SHLD1: variants seen among roughly 807,000 people sequenced by gnomAD.
SHLD1 encodes shieldin complex subunit 1.
A neutral mutation model predicts 5.5 loss-of-function variants in SHLD1; 3 were observed. The ratio of observed to expected loss-of-function variants is 0.54; its 90% CI spans 0.25 to 1.40. The LOEUF is 1.40. SHLD1 is among the 40% of genes most tolerant of loss of function. The pLI, the probability that SHLD1 is intolerant of heterozygous loss-of-function variation, is 0.15. For synonymous variants in SHLD1, 92 were observed against 94.3 expected (o/e 0.98, Z 0.14); for missense variants, 210 against 244.4 (o/e 0.86, Z 0.94).
chr20:5,810,572 G>A (rs2087444687), intron 2 of SHLD1, among the ~76,000 whole-genome samples: 1 of 151,984 alleles, frequency 6.6e-6, no homozygotes, highest in Admixed American at 6.5e-5. Flanking sequence ...GTGTTCCATT[G>A]ATTCTTTCTA....
chr20:5,807,939 T>G (rs538630375), intron 2 of SHLD1, among the ~76,000 whole-genome samples: 5 of 152,296 alleles, frequency 3.3e-5, no homozygotes, highest in African/African-American at 9.6e-5. Context: ...CTAATCATCC[T>G]TTTCTTTTAA....
intron 2 of SHLD1, among the ~76,000 whole-genome samples, chr20:5,775,206 T>C (rs1023307124): frequency 6.6e-6 from 1 of 152,058 alleles, no homozygotes; most frequent in African/African-American, 2.4e-5. Context: ...ACATGGCTTT[T>C]TTTTTTTTAA....
chr20:5,784,732 G>C (rs2087037122), intron 2 of SHLD1, among the ~76,000 whole-genome samples: 1 of 152,170 alleles, frequency 6.6e-6, no homozygotes, highest in Admixed American at 6.5e-5. Context: ...TTACAGGCGT[G>C]AGCCACCGCG....
chr20:5,775,029 CTTTG>C (rs1378210137), intron 2 of SHLD1, among the ~76,000 whole-genome samples: 2 of 151,984 alleles, frequency 1.3e-5, no homozygotes, highest in African/African-American at 2.4e-5. Context: ...TTGAACAGAA[CTTTG>C]TTTGTGTATG....
At chr20:5,852,874 C>G (rs2122496722) in intron 2 of SHLD1, among the ~76,000 whole-genome samples, 1 of 152,286 alleles carries the variant, frequency 6.6e-6, no homozygotes, top group East Asian at 1.9e-4. Flanking sequence ...TGTGTTGGGA[C>G]TAGAGAGGAG....
chr20:5,829,229 G>A (rs1175399776), intron 2 of SHLD1, among the ~76,000 whole-genome samples: 3 of 152,070 alleles, frequency 2.0e-5, no homozygotes, highest in Admixed American at 6.6e-5. Flanking sequence ...GGTCACAAAT[G>A]ATGTTTAATA....
rs961671845 is a variant in SHLD1 at position 5,841,121 on chromosome 20, TG to T, written c.179-21902del. 2.4e-3 allele frequency among the ~76,000 whole-genome samples: 368 copies of T among 152,248 alleles called. 3 individuals are homozygous for T. Among genetic ancestry groups the T allele is most frequent in the African/African-American group, 8.4e-3 (349 of 41,548 alleles). ...AATTAGAACCATCTAGGAATCTTTT[TG>T]AAAAAACTTAATTTCTATGCCACAT... On this transcript the variant is annotated intron_variant, in intron 2 of 2. Coordinates refer to ENST00000303142, the MANE Select transcript of SHLD1 (RefSeq NM_152504.4).
At chr20:5,820,690 T>A (rs570135712) in intron 2 of SHLD1, among the ~76,000 whole-genome samples, 19 of 152,362 alleles carry the variant, frequency 1.2e-4, no homozygotes, top group African/African-American at 4.1e-4. Context: ...TATTTCAGAC[T>A]GATATTAAAT....
chr20:5,777,271 G>A (rs1238754614), intron 2 of SHLD1, among the ~76,000 whole-genome samples: 1 of 152,146 alleles, frequency 6.6e-6, no homozygotes, highest in Non-Finnish European at 1.5e-5. Flanking sequence ...TTACAGGTGT[G>A]AGCCACCACA....
intron 1 of SHLD1, among the ~76,000 whole-genome samples, chr20:5,768,206 T>C (rs973023111): frequency 3.3e-5 from 5 of 152,150 alleles, no homozygotes; most frequent in African/African-American, 1.2e-4. Flanking sequence ...ACTGCTGACC[T>C]CAGGTGATCC....
chr20:5,842,666 A>G lies in SHLD1; in HGVS notation c.179-20358A>G, dbSNP rs2122471719. 2.0e-5 allele frequency among the ~76,000 whole-genome samples: 3 copies of G among 152,070 alleles called. No homozygotes were observed. The South Asian group carries it at 6.2e-4, about 32-fold the overall frequency. ...TGGACCATCTCACTTTGACTTCCAT[A>G]TCTCTTATTTTTTTCTCTATCTCTC... On this transcript the variant is annotated intron_variant, in intron 2 of 2. Coordinates refer to ENST00000303142, the MANE Select transcript of SHLD1 (RefSeq NM_152504.4).
At chr20:5,773,132 C>T in intron 2 of SHLD1, 89 bp downstream of exon 2, 1 of 1,402,218 alleles carries the variant, frequency 7.1e-7, no homozygotes, top group Non-Finnish European at 1.0e-6. Flanking sequence ...CTTCCAATAG[C>T]AGATCTCTGA....
chr20:5,774,561 T>A (rs983247264), intron 2 of SHLD1, among the ~76,000 whole-genome samples: 1 of 152,174 alleles, frequency 6.6e-6, no homozygotes, highest in South Asian at 2.1e-4. Flanking sequence ...ACGGGAAGCA[T>A]AGAAGCACCT....
intron 2 of SHLD1, among the ~76,000 whole-genome samples, chr20:5,775,616 C>G (rs1014440561): frequency 6.6e-6 from 1 of 152,164 alleles, no homozygotes; most frequent in African/African-American, 2.4e-5. Context: ...GGAAGGGGTA[C>G]TCAAACGCTA....
intron 2 of SHLD1, among the ~76,000 whole-genome samples, chr20:5,804,685 G>A (rs1347078771): frequency 6.6e-6 from 1 of 152,142 alleles, no homozygotes; most frequent in Non-Finnish European, 1.5e-5. Flanking sequence ...TCCATTTCAG[G>A]ACTGGCATGG....
At chr20:5,769,062 T>A (rs1343981765) in intron 1 of SHLD1, among the ~76,000 whole-genome samples, 1 of 152,138 alleles carries the variant, frequency 6.6e-6, no homozygotes, top group African/African-American at 2.4e-5. Context: ...CATGCCACCA[T>A]ACTTGGCTAA....
chr20:5,765,554 T>C (rs1207658499), intron 1 of SHLD1, among the ~76,000 whole-genome samples: 1 of 151,872 alleles, frequency 6.6e-6, no homozygotes, highest in African/African-American at 2.4e-5. Flanking sequence ...GGCCACGTAA[T>C]TAAATCACCC....
chr20:5,823,017 T>C lies in SHLD1; in HGVS notation c.179-40007T>C, dbSNP rs547080620. Among the ~76,000 whole-genome samples, 6 of 90,074 alleles carry C rather than the reference T, an allele frequency of 6.7e-5. No homozygotes were observed. In the East Asian group the frequency reaches 2.2e-3, roughly 32 times the overall value. The allele number at this position is 90,074 out of a possible 152,430, so 59.1% of individuals were successfully genotyped here. A position where few individuals can be genotyped will look rare whatever the true frequency, so the allele number is the denominator to read the frequency against. ...CCCCCACCCCGCCCCCACCCCCATA[T>C]ATACTCCACCACTGCTATTGTTATG... On this transcript the variant is annotated intron_variant, in intron 2 of 2. Transcript: ENST00000303142.
At chr20:5,791,004 A>T (rs899785755) in intron 2 of SHLD1, among the ~76,000 whole-genome samples, 1 of 152,004 alleles carries the variant, frequency 6.6e-6, no homozygotes, top group Non-Finnish European at 1.5e-5. Context: ...CTCTACAAAA[A>T]ATAAAAAAAT....
Sources: allele counts gnomAD v4.1 joint callset (sites outside exome capture counted in the v4.1 genomes callset), GRCh38; gene constraint gnomAD v4.1.1; transcripts MANE v1.5; gene names NCBI Gene and HGNC (gene_info 2026-07-23, HGNC 2026-07-21).